C1orf198: variants seen among roughly 807,000 people sequenced by gnomAD.
C1orf198 encodes the protein uncharacterized protein C1orf198.
In C1orf198, 17 loss-of-function variants were observed where a neutral mutation model predicts 31.4. The ratio of observed to expected loss-of-function variants is 0.54; its 90% CI spans 0.37 to 0.81. The LOEUF is 0.81. Ranked by LOEUF, C1orf198 falls within the 40% of genes least tolerant of loss-of-function variation. The pLI is 0.00. For missense variants in C1orf198, 401 were observed against 450.3 expected, an observed-to-expected ratio of 0.89 and a Z score of 0.99; for synonymous variants, 175 against 193.8, an observed-to-expected ratio of 0.90 and a Z score of 0.81.
chr1:230,861,171 G>C (rs1669996464), intron 1 of C1orf198, among the ~76,000 whole-genome samples: 1 of 152,154 alleles, frequency 6.6e-6, no homozygotes, highest in Admixed American at 6.5e-5. Context: ...GCGACCCCTA[G>C]TGTAAACCAG....
intron 2 of C1orf198, among the ~76,000 whole-genome samples, chr1:230,844,915 T>G (rs905415724): frequency 6.6e-6 from 1 of 152,210 alleles, no homozygotes; most frequent in Non-Finnish European, 1.5e-5. Flanking sequence ...ACAAAATCAT[T>G]ACATGGCAAC....
At chr1:230,863,858 C>T (rs958569638) in intron 1 of C1orf198, among the ~76,000 whole-genome samples, 4 of 152,246 alleles carry the variant, frequency 2.6e-5, no homozygotes, top group Non-Finnish European at 5.9e-5. Flanking sequence ...TCCATGGATA[C>T]AGCAGGCACA....
Position 230,868,503 on chromosome 1 carries a change from T to A in C1orf198, c.10A>T (p.Met4Leu). ...CGCGAAGCCGCGATCGCCGCCGCCATGGACGCCATGCCCGGCCTGCCCGCC... is the reference window on the plus strand; with the variant it reads ...CGCGAAGCCGCGATCGCCGCCGCCAAGGACGCCATGCCCGGCCTGCCCGCC... Reference protein sequence around the residue: MASMAAAIAASRSA... With the variant: MASLAAAIAASRSA... The change falls in exon 1 of 4, where the codon ATG becomes TTG. Residue 4 changes from methionine to leucine, a missense_variant. Met to Leu is a conservative substitution (Grantham distance 15). Transcript: ENST00000366663. The A allele has an allele frequency of 2.1e-6, 3 of 1,445,488 alleles. No individual in the cohort carries two copies. The highest frequency in any genetic ancestry group is 2.8e-5 in the South Asian group (2 of 72,098). 89.5% of individuals were successfully genotyped at this position (1,445,488 alleles called of 1,614,324 possible).
Position 230,839,803 on chromosome 1 carries a change from C to G in C1orf198, c.*49G>C. 6.4e-7 allele frequency: 1 copy of G among 1,552,890 alleles called. No individual in the cohort carries two copies. Among genetic ancestry groups the G allele is most frequent in the Non-Finnish European group, 8.8e-7 (1 of 1,132,542 alleles). ...CCCTTTTTATCCTCCTCCACCACACCACTTTGGAAAACATTTTAGGGTTCT... is the reference window on the plus strand; with the variant it reads ...CCCTTTTTATCCTCCTCCACCACACGACTTTGGAAAACATTTTAGGGTTCT... On this transcript the variant is annotated 3_prime_UTR_variant, in exon 4 of 4. Transcript: ENST00000366663.
At chr1:230,853,164 G>A (rs750218122) in intron 2 of C1orf198, among the ~76,000 whole-genome samples, 1 of 152,160 alleles carries the variant, frequency 6.6e-6, no homozygotes, top group Non-Finnish European at 1.5e-5. Flanking sequence ...GTCCAGCTGA[G>A]CCCTGCTCCG....
At chr1:230,847,607 C>T (rs1240346246) in intron 2 of C1orf198, among the ~76,000 whole-genome samples, 1 of 152,146 alleles carries the variant, frequency 6.6e-6, no homozygotes, top group African/African-American at 2.4e-5. Context: ...GCAATGGACA[C>T]AGTGGGATTT....
At chr1:230,844,009 A>T (rs1399954590) in intron 2 of C1orf198, 113 bp from the exon 3 acceptor site, 1 of 1,136,546 alleles carries the variant, frequency 8.8e-7, no homozygotes, top group Admixed American at 2.5e-5. Flanking sequence ...CACCAGCCAC[A>T]CACGAGTTGT....
rs1355602363 is a variant in C1orf198 at position 230,840,047 on chromosome 1, T to C, written c.928-139A>G. ...TCAGAGGTTCCCTGACCTCAATTTA[T>C]CTCAGTGCTTGAAATCAGAAGATTA... On this transcript the variant is annotated intron_variant, in intron 3 of 3. Coordinates refer to ENST00000366663, the MANE Select transcript of C1orf198 (RefSeq NM_032800.3). This position sits in a 1 kb window ranked among gnomAD's most constrained non-coding sequence, Gnocchi z 4.0. The C allele has an allele frequency of 1.5e-6, 1 of 669,432 alleles. No individual in the cohort carries two copies. Among genetic ancestry groups the C allele is most frequent in the East Asian group, 2.8e-5 (1 of 35,524 alleles). 41.5% of individuals were successfully genotyped at this position (669,432 alleles called of 1,614,324 possible). A position where few individuals can be genotyped will look rare whatever the true frequency, so the allele number is the denominator to read the frequency against.
chr1:230,867,565 C>T (rs1670148847), intron 1 of C1orf198, among the ~76,000 whole-genome samples: 1 of 152,194 alleles, frequency 6.6e-6, no homozygotes, highest in Admixed American at 6.5e-5. Flanking sequence ...GGGCATTGTG[C>T]TCACTTGGAA....
At chr1:230,859,321 T>C (rs1051432402) in intron 1 of C1orf198, among the ~76,000 whole-genome samples, 1 of 152,090 alleles carries the variant, frequency 6.6e-6, no homozygotes, top group Non-Finnish European at 1.5e-5. Flanking sequence ...ACCAATCACA[T>C]ATGCTTTTTC....
At chr1:230,866,668 A>C (rs1340864401) in intron 1 of C1orf198, among the ~76,000 whole-genome samples, 1 of 152,192 alleles carries the variant, frequency 6.6e-6, no homozygotes, top group Admixed American at 6.5e-5. Flanking sequence ...ATTTGTAAGT[A>C]CTTAGAAGTT....
chr1:230,861,168 C>T (rs899048640), intron 1 of C1orf198, among the ~76,000 whole-genome samples: 6 of 152,122 alleles, frequency 3.9e-5, no homozygotes, highest in Non-Finnish European at 8.8e-5. Context: ...AGAGCGACCC[C>T]TAGTGTAAAC....
At chr1:230,841,298 G>A (rs548877272) in intron 3 of C1orf198, among the ~76,000 whole-genome samples, 27 of 152,326 alleles carry the variant, frequency 1.8e-4, no homozygotes, top group African/African-American at 6.0e-4. Context: ...CTGATGTGGA[G>A]CCGAGGTGGG....
At chr1:230,865,388 C>T (rs1210021692) in intron 1 of C1orf198, among the ~76,000 whole-genome samples, 2 of 152,198 alleles carry the variant, frequency 1.3e-5, no homozygotes, top group African/African-American at 2.4e-5. Context: ...TGCTTTTTTA[C>T]TGAGATCATA....
intron 2 of C1orf198, among the ~76,000 whole-genome samples, chr1:230,852,063 T>C (rs1284872646): frequency 6.6e-6 from 1 of 152,248 alleles, no homozygotes; most frequent in Non-Finnish European, 1.5e-5. Context: ...CTGGGCACTC[T>C]GCTGGCATCC....
chr1:230,869,252 G>A (rs953417251), upstream of C1orf198: 1 of 152,282 alleles, frequency 6.6e-6, no homozygotes, highest in African/African-American at 2.4e-5. Context: ...CGGTGGCCCA[G>A]GTGCCTTTCC....
chr1:230,846,894 G>A (rs1669601876), intron 2 of C1orf198, among the ~76,000 whole-genome samples: 1 of 151,832 alleles, frequency 6.6e-6, no homozygotes. Context: ...ACGAGGTCAG[G>A]AGATCGAGAC....
rs75736776 is a variant in C1orf198, at chr1:230,843,977, C to A, written c.385-81G>T. 1 of 1,391,552 alleles carries A rather than the reference C, an allele frequency of 7.2e-7. No individual in the cohort carries two copies. The highest frequency in any genetic ancestry group is 1.4e-5 in the South Asian group (1 of 69,588). 86.2% of individuals were successfully genotyped at this position (1,391,552 alleles called of 1,614,324 possible). A position where few individuals can be genotyped will look rare whatever the true frequency, so the allele number is the denominator to read the frequency against. On this transcript the variant is annotated intron_variant, in intron 2 of 3. Transcript: ENST00000366663. This position sits in a 1 kb window ranked among gnomAD's most constrained non-coding sequence, Gnocchi z 4.9. Reference sequence around the variant, plus strand: ...GTCACAAGTGTGCCAGCTCACGCACCCCTCCTCAGCATAAGGACGCACACC... The same window carrying A: ...GTCACAAGTGTGCCAGCTCACGCACACCTCCTCAGCATAAGGACGCACACC...
At chr1:230,851,701 G>C (rs1261596577) in intron 2 of C1orf198, among the ~76,000 whole-genome samples, 1 of 152,194 alleles carries the variant, frequency 6.6e-6, no homozygotes, top group Non-Finnish European at 1.5e-5. Context: ...AAGAAGTCTG[G>C]GTAACAGAGG....
Sources: allele counts gnomAD v4.1 joint callset (sites outside exome capture counted in the v4.1 genomes callset), GRCh38; gene constraint gnomAD v4.1.1; non-coding constraint Gnocchi (gnomAD v3.1); transcripts MANE v1.5; gene names NCBI Gene and HGNC (gene_info 2026-07-23, HGNC 2026-07-21).